Variants in LAPTM5 observed in about 807,000 individuals in gnomAD.
LAPTM5 encodes the protein lysosomal protein transmembrane 5, also known as lysosomal-associated transmembrane protein 5.
In LAPTM5, 11 loss-of-function variants were observed where a neutral mutation model predicts 30.1. The ratio of observed to expected loss-of-function variants is 0.37; its 90% CI spans 0.23 to 0.60. The LOEUF is 0.60. Ranked by LOEUF, LAPTM5 falls within the 20% of genes least tolerant of loss-of-function variation. The probability of loss-of-function intolerance (pLI) is 0.71; values close to 1 mark genes in which losing one functional copy is unlikely to be tolerated. For synonymous variants in LAPTM5, 151 were observed against 137.9 expected, an observed-to-expected ratio of 1.10 and a Z score of -0.67; for missense variants, 324 against 332.5, an observed-to-expected ratio of 0.97 and a Z score of 0.20.
intron 1 of LAPTM5, among the ~76,000 whole-genome samples, chr1:30,748,755 C>T (rs940685066): frequency 6.6e-6 from 1 of 152,254 alleles, no homozygotes; most frequent in Non-Finnish European, 1.5e-5. Context: ...CTCCTCTTCA[C>T]TCTTCCGCAG....
In LAPTM5 at chr1:30,756,588, G is replaced by A. The variant is rs536522987; in HGVS notation, c.87+1071C>T. Among the ~76,000 whole-genome samples, 3 of 152,352 alleles carry A rather than the reference G, an allele frequency of 2.0e-5. No homozygotes were observed. In the East Asian group the frequency reaches 5.8e-4, roughly 29 times the overall value. On this transcript the variant is annotated intron_variant, in intron 1 of 7. Coordinates refer to ENST00000294507, the MANE Select transcript of LAPTM5 (RefSeq NM_006762.3). ...GGGAAGCCAGGATTTGCATGCAGGAGTCTGCATCCAGAGGCCGTGGGCTAA... is the reference window on the plus strand; with the variant it reads ...GGGAAGCCAGGATTTGCATGCAGGAATCTGCATCCAGAGGCCGTGGGCTAA...
At chr1:30,749,054 A>C (rs1443395212) in intron 1 of LAPTM5, among the ~76,000 whole-genome samples, 7 of 152,250 alleles carry the variant, frequency 4.6e-5, no homozygotes. Flanking sequence ...CCTGGTGGCC[A>C]TGGCTGCCTT....
At chr1:30,749,939 T>C (rs1569871115) in intron 1 of LAPTM5, among the ~76,000 whole-genome samples, 1 of 151,216 alleles carries the variant, frequency 6.6e-6, no homozygotes, top group African/African-American at 2.4e-5. Flanking sequence ...GCCTCTGGGG[T>C]TAGAGAGAAA....
intron 1 of LAPTM5, among the ~76,000 whole-genome samples, chr1:30,756,973 C>T (rs956603340): frequency 2.6e-5 from 4 of 152,214 alleles, no homozygotes; most frequent in East Asian, 1.9e-4. Flanking sequence ...TGTGAGTCAC[C>T]AGGAAAGGAG....
chr1:30,749,812 T>C (rs1011106017), intron 1 of LAPTM5, among the ~76,000 whole-genome samples: 3 of 152,094 alleles, frequency 2.0e-5, no homozygotes, highest in African/African-American at 7.2e-5. Flanking sequence ...CGGCAAGACG[T>C]TCCTCTTAGT....
At position 30,739,660 on chromosome 1, in the gene LAPTM5, G is replaced by A. The variant is rs1639939266; in HGVS notation, c.387+149C>T. On this transcript the variant is annotated intron_variant, in intron 4 of 7. Transcript: ENST00000294507. The surrounding 1 kb of genome is among the most constrained non-coding windows in gnomAD (Gnocchi z 4.2). ...AGGAAGAAACTTGGGGCAATGTGGA[G>A]GGACTCAGAGACTGGGTCAAGACAC... 2.4e-6 allele frequency: 2 copies of A among 838,018 alleles called. No individual in the cohort carries two copies. The highest frequency in any genetic ancestry group is 2.3e-5 in the South Asian group (1 of 43,992). The allele number at this position is 838,018 out of a possible 1,614,324, so 51.9% of individuals were successfully genotyped here. A position where few individuals can be genotyped will look rare whatever the true frequency, so the allele number is the denominator to read the frequency against.
Position 30,733,881 on chromosome 1 carries a change from G to A in LAPTM5, c.736C>T (p.Pro246Ser), listed in dbSNP as rs1639851123. ...LPSYEEALSL[P>S]SKTPEGGPAP... Reference sequence around the variant, plus strand: ...GGGCCCCCCTCTGGGGTCTTCGATGGCAAAGACAGGGCTTCCTCGTAGGAC... The same window carrying A: ...GGGCCCCCCTCTGGGGTCTTCGATGACAAAGACAGGGCTTCCTCGTAGGAC... The change falls in exon 8 of 8, where the codon CCA (proline) becomes TCA (serine). Residue 246 changes from proline (P) to serine (S), a missense_variant. Coordinates refer to ENST00000294507, the MANE Select transcript of LAPTM5 (RefSeq NM_006762.3). 16 of 1,611,186 alleles carry A rather than the reference G, an allele frequency of 9.9e-6. No individual in the cohort carries two copies. Among genetic ancestry groups the A allele is most frequent in the Non-Finnish European group, 1.4e-5 (16 of 1,179,374 alleles).
chr1:30,756,221 C>G (rs1369850218), intron 1 of LAPTM5, among the ~76,000 whole-genome samples: 1 of 152,172 alleles, frequency 6.6e-6, no homozygotes, highest in Non-Finnish European at 1.5e-5. Context: ...ATACAGGGTA[C>G]AGGGACACTC....
chr1:30,756,186 T>C (rs1003913645), intron 1 of LAPTM5, among the ~76,000 whole-genome samples: 1 of 152,184 alleles, frequency 6.6e-6, no homozygotes, highest in Non-Finnish European at 1.5e-5. Flanking sequence ...AGAATGTGCA[T>C]AGTCTCAGAG....
chr1:30,742,670 G>C, intron 1 of LAPTM5, 121 bp from the exon 2 acceptor site: 1 of 736,268 alleles, frequency 1.4e-6, no homozygotes. Flanking sequence ...CAGATGGCAT[G>C]CCAGGTCAGT....
rs139842545 is a variant in LAPTM5 at position 30,747,582 on chromosome 1, C to T, written c.88-5033G>A. Among the ~76,000 whole-genome samples, 922 of 152,274 alleles carry T rather than the reference C, an allele frequency of 6.1e-3. 15 individuals carry two copies. The highest frequency in any genetic ancestry group is 0.022 in the African/African-American group (896 of 41,538). On this transcript the variant is annotated intron_variant, in intron 1 of 7. Transcript: ENST00000294507. ...CTTTCTTTCTTAATGACAAACACAGCTTCCCCAAGCTGGCCAGTTGGGGAA... is the reference window on the plus strand; with the variant it reads ...CTTTCTTTCTTAATGACAAACACAGTTTCCCCAAGCTGGCCAGTTGGGGAA...
chr1:30,735,123 G>A, intron 7 of LAPTM5, 50 bp downstream of exon 7: 1 of 1,334,338 alleles, frequency 7.5e-7, no homozygotes, highest in East Asian at 2.3e-5. Context: ...TGACCCAAAT[G>A]GCACAGGGAG....
Position 30,733,594 on chromosome 1 carries a change from G to A in LAPTM5, c.*234C>T, listed in dbSNP as rs1271575385. On this transcript the variant is annotated 3_prime_UTR_variant, in exon 8 of 8. Coordinates refer to ENST00000294507, the MANE Select transcript of LAPTM5 (RefSeq NM_006762.3). ...AGCTGATTGAAATAAACCAAGCATT[G>A]TTGGGCTGAATTATGGAGAGACCCG... 6.6e-7 allele frequency: 1 copy of A among 1,525,280 alleles called. No individual in the cohort carries two copies. Among genetic ancestry groups the A allele is most frequent in the Non-Finnish European group, 8.8e-7 (1 of 1,140,584 alleles). 94.5% of individuals were successfully genotyped at this position (1,525,280 alleles called of 1,614,324 possible). A position where few individuals can be genotyped will look rare whatever the true frequency, so the allele number is the denominator to read the frequency against.
chr1:30,739,240 C>A lies in LAPTM5; in HGVS notation c.388-178G>T. 1.3e-6 allele frequency: 1 copy of A among 788,826 alleles called. No homozygotes were observed. Among genetic ancestry groups the A allele is most frequent in the Non-Finnish European group, 1.9e-6 (1 of 524,980 alleles). 48.9% of individuals were successfully genotyped at this position (788,826 alleles called of 1,614,324 possible). A position where few individuals can be genotyped will look rare whatever the true frequency, so the allele number is the denominator to read the frequency against. ...AGATGTTCATACCAAGAGCTGGTGG[C>A]AGACCCAAGACTAGAACCAAGGTCT... On this transcript the variant is annotated intron_variant, in intron 4 of 7. Coordinates refer to ENST00000294507, the MANE Select transcript of LAPTM5 (RefSeq NM_006762.3). The surrounding 1 kb of genome is among the most constrained non-coding windows in gnomAD (Gnocchi z 4.2).
chr1:30,741,433 C>T (rs1316553048), intron 3 of LAPTM5, among the ~76,000 whole-genome samples: 1 of 152,220 alleles, frequency 6.6e-6, no homozygotes, highest in Non-Finnish European at 1.5e-5. Flanking sequence ...CGTGGAGGCT[C>T]ATGTTACCAG....
chr1:30,742,599 C>A (rs186241402), intron 1 of LAPTM5, 50 bp from the exon 2 acceptor site: 1 of 1,447,736 alleles, frequency 6.9e-7, no homozygotes, highest in Admixed American at 1.8e-5. Flanking sequence ...CACGGCCCCC[C>A]GACCAGCCCC....
intron 2 of LAPTM5, 38 bp from the exon 3 acceptor site, chr1:30,741,754 C>A: frequency 1.3e-6 from 2 of 1,497,962 alleles, no homozygotes; most frequent in East Asian, 2.4e-5. Context: ...CTCAGGGGTG[C>A]CCCTGGGACC....
intron 7 of LAPTM5, among the ~76,000 whole-genome samples, 175 bp downstream of exon 7, chr1:30,734,998 T>A (rs1027667920): frequency 3.9e-5 from 6 of 152,190 alleles, no homozygotes; most frequent in African/African-American, 1.4e-4. Context: ...ACTGAATAAA[T>A]GAATGAGTGA....
At position 30,739,666 on chromosome 1, in the gene LAPTM5, CAG is replaced by C; in HGVS notation, c.387+141_387+142del. The C allele has an allele frequency of 1.1e-6, 1 of 943,596 alleles. No homozygotes were observed. Among genetic ancestry groups the C allele is most frequent in the Non-Finnish European group, 1.5e-6 (1 of 669,374 alleles). The allele number at this position is 943,596 out of a possible 1,614,324, so 58.5% of individuals were successfully genotyped here. ...AAACTTGGGGCAATGTGGAGGGACT[CAG>C]AGACTGGGTCAAGACACCAGCCAGG... On this transcript the variant is annotated intron_variant, in intron 4 of 7. Coordinates refer to ENST00000294507, the MANE Select transcript of LAPTM5 (RefSeq NM_006762.3). The surrounding 1 kb of genome is among the most constrained non-coding windows in gnomAD (Gnocchi z 4.2).
Sources: gnomAD v4.1 joint callset for allele counts (sites outside exome capture counted in the v4.1 genomes callset) on GRCh38, gnomAD v4.1.1 for gene constraint, Gnocchi (gnomAD v3.1) non-coding constraint, MANE v1.5 for transcripts, NCBI Gene and HGNC (gene_info 2026-07-23, HGNC 2026-07-21) for gene names.